Variants in EPHA5 observed in about 807,000 individuals in gnomAD.
EPHA5 encodes EPH receptor A5.
EPHA5 carries 60 observed loss-of-function variants against 105.0 expected under a neutral mutation model. The observed-to-expected ratio is 0.57, with a 90% CI of 0.46 to 0.71. EPHA5 has a LOEUF of 0.71. Among genes scored for constraint, EPHA5 ranks in the 30% least tolerant of loss-of-function variants. The probability of loss-of-function intolerance (pLI) is 0.00; values close to 1 mark genes in which losing one functional copy is unlikely to be tolerated. For missense variants in EPHA5, 1,218 were observed against 1,274.7 expected (o/e 0.96, Z 0.68); for synonymous variants, 513 against 449.1 (o/e 1.14, Z -1.80).
At chr4:65,440,353 A>G (rs1338247958) in intron 5 of EPHA5, among the ~76,000 whole-genome samples, 1 of 152,054 alleles carries the variant, frequency 6.6e-6, no homozygotes, top group East Asian at 1.9e-4. Flanking sequence ...AAAACAGGAC[A>G]CTCCAGAACA....
chr4:65,414,083 C>G (rs922921420), intron 7 of EPHA5, among the ~76,000 whole-genome samples: 13 of 152,142 alleles, frequency 8.5e-5, no homozygotes, highest in African/African-American at 3.1e-4. Context: ...AGACTGAATG[C>G]AATGAGGAGC....
At chr4:65,608,658 A>T (rs1744470918) in intron 2 of EPHA5, among the ~76,000 whole-genome samples, 2 of 152,214 alleles carry the variant, frequency 1.3e-5, no homozygotes, top group African/African-American at 4.8e-5. Flanking sequence ...CCTTTGAAAG[A>T]TATTGTGTGC....
At chr4:65,499,324 A>G (rs1198914917) in intron 3 of EPHA5, among the ~76,000 whole-genome samples, 1 of 151,662 alleles carries the variant, frequency 6.6e-6, no homozygotes, top group Non-Finnish European at 1.5e-5. Flanking sequence ...TCTGAGGTGA[A>G]GCTTCCAAGT....
At chr4:65,449,096 C>T (rs1262707463) in intron 5 of EPHA5, among the ~76,000 whole-genome samples, 3 of 151,910 alleles carry the variant, frequency 2.0e-5, no homozygotes, top group Admixed American at 1.3e-4. Context: ...GAAAAAAATT[C>T]ATTGGGTTAA....
intron 14 of EPHA5, among the ~76,000 whole-genome samples, chr4:65,337,801 C>A (rs987453979): frequency 6.6e-6 from 1 of 151,806 alleles, no homozygotes; most frequent in African/African-American, 2.4e-5. Flanking sequence ...TAGTTTATAT[C>A]CCCCCTGGAA....
intron 11 of EPHA5, 146 bp downstream of exon 11, chr4:65,364,871 C>A: frequency 1.8e-6 from 1 of 570,450 alleles, no homozygotes; most frequent in Non-Finnish European, 2.7e-6. Flanking sequence ...TTAGCTTTAA[C>A]AAAAATCTAC....
At chr4:65,363,526 G>A (rs1433975924) in intron 11 of EPHA5, among the ~76,000 whole-genome samples, 1 of 151,434 alleles carries the variant, frequency 6.6e-6, no homozygotes, top group African/African-American at 2.4e-5. Flanking sequence ...GGGTAGATTG[G>A]CTGCCTATGG....
chr4:65,538,918 A>G (rs1348287790), intron 3 of EPHA5, among the ~76,000 whole-genome samples: 3 of 151,700 alleles, frequency 2.0e-5, no homozygotes, highest in Non-Finnish European at 4.4e-5. Flanking sequence ...TTGGTGATTT[A>G]AAGACATTCT....
intron 8 of EPHA5, among the ~76,000 whole-genome samples, chr4:65,385,648 A>T (rs922754695): frequency 7.2e-5 from 11 of 151,928 alleles, no homozygotes; most frequent in African/African-American, 2.7e-4. Context: ...CTGGTGATAA[A>T]TGTGAAATAT....
At chr4:65,540,183 T>G (rs1736680917) in intron 3 of EPHA5, among the ~76,000 whole-genome samples, 1 of 151,604 alleles carries the variant, frequency 6.6e-6, no homozygotes, top group South Asian at 2.1e-4. Flanking sequence ...TAATACTAAA[T>G]TTAATTGTAC....
chr4:65,495,827 T>C lies in EPHA5; in HGVS notation c.911-284A>G, dbSNP rs1218637391. ...GAATTATATTGATAAAAGGCAAATATTTTTATGTATTTAAAACTGAAGCAG... is the reference window on the plus strand; with the variant it reads ...GAATTATATTGATAAAAGGCAAATACTTTTATGTATTTAAAACTGAAGCAG... On this transcript the variant is annotated intron_variant, in intron 3 of 16. Coordinates refer to ENST00000613740, the MANE Select transcript of EPHA5 (RefSeq NM_001281766.3). Among the ~76,000 whole-genome samples, 3 of 152,186 alleles carry C rather than the reference T, an allele frequency of 2.0e-5. No individual in the cohort carries two copies. The South Asian group carries it at 6.2e-4, about 32-fold the overall frequency.
At chr4:65,443,386 G>A (rs112359648) in intron 5 of EPHA5, among the ~76,000 whole-genome samples, 1 of 151,526 alleles carries the variant, frequency 6.6e-6, no homozygotes, top group African/African-American at 2.4e-5. Flanking sequence ...TTTCAACAGA[G>A]GGCATTTAAT....
intron 8 of EPHA5, among the ~76,000 whole-genome samples, chr4:65,394,638 G>T (rs1721038360): frequency 6.6e-6 from 1 of 152,104 alleles, no homozygotes. Context: ...TGTCAAGGAA[G>T]TTTTAGACAG....
At chr4:65,652,091 T>C (rs546423213) in intron 1 of EPHA5, among the ~76,000 whole-genome samples, 184 of 152,312 alleles carry the variant, frequency 1.2e-3, no homozygotes, top group Non-Finnish European at 2.1e-3. Flanking sequence ...TTAGATGATA[T>C]AAGAAGCTTG....
At chr4:65,574,760 A>C (rs1327306507) in intron 3 of EPHA5, among the ~76,000 whole-genome samples, 1 of 140,996 alleles carries the variant, frequency 7.1e-6, no homozygotes, top group Non-Finnish European at 1.5e-5. Context: ...ATATATATAC[A>C]CAGTAATTTT....
intron 8 of EPHA5, among the ~76,000 whole-genome samples, chr4:65,400,077 G>A (rs7684026): frequency 0.97 from 147,354 of 152,276 alleles, 71,516 homozygotes; most frequent in East Asian, 1. Context: ...AGAGGAAAAA[G>A]TAAAGTGAAA....
intron 5 of EPHA5, among the ~76,000 whole-genome samples, chr4:65,436,361 C>T (rs1384479814): frequency 3.3e-5 from 5 of 151,956 alleles, no homozygotes; most frequent in Non-Finnish European, 7.4e-5. Context: ...GACACACACA[C>T]ACACACAAAA....
chr4:65,492,768 A>G (rs1248523097), intron 4 of EPHA5, among the ~76,000 whole-genome samples: 1 of 152,104 alleles, frequency 6.6e-6, no homozygotes, highest in Non-Finnish European at 1.5e-5. Flanking sequence ...ATGTGTCTTT[A>G]TAGTAGAATG....
chr4:65,373,461 T>A (rs1718688480), intron 8 of EPHA5, among the ~76,000 whole-genome samples: 9 of 151,824 alleles, frequency 5.9e-5, no homozygotes, highest in Admixed American at 5.3e-4. Flanking sequence ...ATGTAAAGTG[T>A]GTATGAAAAT....
Sources: gnomAD v4.1 joint callset for allele counts (sites outside exome capture counted in the v4.1 genomes callset) on GRCh38, gnomAD v4.1.1 for gene constraint, MANE v1.5 for transcripts, NCBI Gene and HGNC (gene_info 2026-07-23, HGNC 2026-07-21) for gene names.